NCOR1: variants seen among roughly 807,000 people sequenced by gnomAD.
The protein encoded by NCOR1 is nuclear receptor corepressor 1.
A neutral mutation model predicts 288.1 loss-of-function variants in NCOR1; 63 were observed. The ratio of observed to expected loss-of-function variants is 0.22; its 90% CI spans 0.18 to 0.27. The LOEUF (loss-of-function observed/expected upper bound fraction) is 0.27, where lower values mean the gene tolerates loss of function less well. Ranked by LOEUF, NCOR1 falls within the 10% of genes least tolerant of loss-of-function variation. NCOR1 has a pLI of 1.00. For synonymous variants in NCOR1, 1,007 were observed against 1,065.9 expected (o/e 0.94, Z 1.08); for missense variants, 2,397 against 3,019.2 (o/e 0.79, Z 4.83).
At position 16,030,440 on chromosome 17, in the gene NCOR1, T is replaced by C. The variant is rs1971817348; in HGVS notation, c.*1856A>G. ...AAAAATACCATCATAATCTCTTTTA[T>C]GGTAGGTTGGCAATATAAATTATTA... On this transcript the variant is annotated 3_prime_UTR_variant, in exon 46 of 46. Coordinates refer to ENST00000268712, the MANE Select transcript of NCOR1 (RefSeq NM_006311.4). 4.8e-6 allele frequency: 1 copy of C among 209,500 alleles called. No individual in the cohort carries two copies. The highest frequency in any genetic ancestry group is 9.7e-6 in the Non-Finnish European group (1 of 103,076). The allele number at this position is 209,500 out of a possible 1,614,324, so 13.0% of individuals were successfully genotyped here. A position where few individuals can be genotyped will look rare whatever the true frequency, so the allele number is the denominator to read the frequency against.
rs12601709 is a variant in NCOR1 at position 16,086,138 on chromosome 17, T to A, written c.3177+144A>T. The A allele has an allele frequency of 6.3e-6, 6 of 945,726 alleles. No homozygotes were observed. The African/African-American group carries it at 9.9e-5, about 16-fold the overall frequency. 58.6% of individuals were successfully genotyped at this position (945,726 alleles called of 1,614,324 possible). ...TGGCAAGAGTACAGTGACTGCTGCATCTTCTGGTCATTATCTCTTGAAACT... is the reference window on the plus strand; with the variant it reads ...TGGCAAGAGTACAGTGACTGCTGCAACTTCTGGTCATTATCTCTTGAAACT... On this transcript the variant is annotated intron_variant, in intron 23 of 45. Coordinates refer to ENST00000268712, the MANE Select transcript of NCOR1 (RefSeq NM_006311.4).
intron 18 of NCOR1, among the ~76,000 whole-genome samples, chr17:16,114,412 T>G (rs998991286): frequency 5.9e-5 from 9 of 152,056 alleles, no homozygotes; most frequent in Non-Finnish European, 1.2e-4. Flanking sequence ...TCAAAACCAA[T>G]CATGCCTTCC....
chr17:16,210,159 G>A (rs1389961049), intron 1 of NCOR1, among the ~76,000 whole-genome samples: 8 of 151,576 alleles, frequency 5.3e-5, no homozygotes, highest in African/African-American at 1.9e-4. Flanking sequence ...TGAGGCGGGA[G>A]GATCACCTGA....
At chr17:16,187,918 A>G (rs796431339) in intron 2 of NCOR1, among the ~76,000 whole-genome samples, 6 of 151,072 alleles carry the variant, frequency 4.0e-5, no homozygotes, top group African/African-American at 1.5e-4. Context: ...AAAAAAAAAG[A>G]AAGAAAAACG....
rs763078792 is a variant in NCOR1 at position 16,073,409 on chromosome 17, T to C, written c.3811+20A>G. 6.5e-7 allele frequency: 1 copy of C among 1,547,534 alleles called. No homozygotes were observed. The highest frequency in any genetic ancestry group is 1.3e-5 in the South Asian group (1 of 78,576). On this transcript the variant is annotated intron_variant, in intron 28 of 45. Coordinates refer to ENST00000268712, the MANE Select transcript of NCOR1 (RefSeq NM_006311.4). Reference sequence around the variant, plus strand: ...TAAAATAACATGTATCAAAATAACATTCTGAAAACAATGCTTTACCCTCTA... The same window carrying C: ...TAAAATAACATGTATCAAAATAACACTCTGAAAACAATGCTTTACCCTCTA...
At chr17:16,154,872 T>C (rs908909962) in intron 6 of NCOR1, among the ~76,000 whole-genome samples, 1 of 152,064 alleles carries the variant, frequency 6.6e-6, no homozygotes, top group African/African-American at 2.4e-5. Context: ...ACCAGACCAA[T>C]ATTTAGGAGG....
rs754808044 is a variant in NCOR1, at chr17:16,075,617, C to T, written c.3587G>A (p.Ser1196Asn). ...AGCTTCCTCTCTGCCTTTCTCAGGACTGCTGTCTTCAATGGGCATTCTCGA... is the reference window on the plus strand; with the variant it reads ...AGCTTCCTCTCTGCCTTTCTCAGGATTGCTGTCTTCAATGGGCATTCTCGA... The part of the protein sequence containing the change: ...SISRMPIEDS[S>N]PEKGREEAAS... Residue 1196 changes from serine (S) to asparagine (N), a missense_variant, in exon 27 of 46, where the codon AGT becomes AAT. Physicochemically the swap from Ser to Asn is conservative, Grantham distance 46. Transcript: ENST00000268712. 6.4e-5 allele frequency: 104 copies of T among 1,614,074 alleles called. No individual in the cohort carries two copies. The highest frequency in any genetic ancestry group is 8.2e-5 in the Non-Finnish European group (97 of 1,180,052).
At chr17:16,214,558 G>A (rs2092396150) in intron 1 of NCOR1, among the ~76,000 whole-genome samples, 1 of 152,206 alleles carries the variant, frequency 6.6e-6, no homozygotes, top group Admixed American at 6.5e-5. Context: ...GGTTAACTCT[G>A]TGGAAGAGGC....
chr17:16,088,740 T>C (rs745643495), intron 22 of NCOR1, among the ~76,000 whole-genome samples: 11 of 152,146 alleles, frequency 7.2e-5, no homozygotes, highest in Non-Finnish European at 1.3e-4. Flanking sequence ...ATGAGGAAAC[T>C]GAGGCTCAGA....
chr17:16,058,639 G>A (rs1411420391), intron 37 of NCOR1, 40 bp from the exon 38 acceptor site: 1 of 1,565,184 alleles, frequency 6.4e-7, no homozygotes. Flanking sequence ...CTAATCCCAG[G>A]AAAAGTTTCT....
chr17:16,094,819 G>C (rs569856855), intron 21 of NCOR1, among the ~76,000 whole-genome samples: 1 of 152,100 alleles, frequency 6.6e-6, no homozygotes, highest in Admixed American at 6.5e-5. Context: ...CACCAGCCTC[G>C]GCATTCTGAG....
intron 6 of NCOR1, among the ~76,000 whole-genome samples, chr17:16,157,930 A>T (rs551296550): frequency 6.6e-6 from 1 of 150,746 alleles, no homozygotes; most frequent in East Asian, 1.9e-4. Context: ...GAGTAAACCT[A>T]AAAAAGCAAA....
chr17:16,108,600 C>T (rs2153051881), intron 19 of NCOR1, among the ~76,000 whole-genome samples, 186 bp downstream of exon 19: 1 of 152,244 alleles, frequency 6.6e-6, no homozygotes, highest in South Asian at 2.1e-4. Flanking sequence ...CTGGACCATC[C>T]TAGGTGCTAC....
chr17:16,188,137 A>G (rs543619596), intron 2 of NCOR1, among the ~76,000 whole-genome samples: 1 of 152,264 alleles, frequency 6.6e-6, no homozygotes, highest in Admixed American at 6.5e-5. Flanking sequence ...ATTTTGTTAT[A>G]TGAATTCTGT....
At chr17:16,103,889 G>T (rs1479427809) in intron 19 of NCOR1, among the ~76,000 whole-genome samples, 1 of 152,156 alleles carries the variant, frequency 6.6e-6, no homozygotes, top group African/African-American at 2.4e-5. Flanking sequence ...GCATGCCTGT[G>T]CTCCCAGCTA....
At chr17:16,051,205 A>T (rs1434778243) in intron 40 of NCOR1, among the ~76,000 whole-genome samples, 1 of 152,158 alleles carries the variant, frequency 6.6e-6, no homozygotes, top group Admixed American at 6.5e-5. Context: ...TTTCTTTTTT[A>T]AAAATGAAGA....
At chr17:16,154,722 C>G (rs948934852) in intron 6 of NCOR1, among the ~76,000 whole-genome samples, 2 of 152,110 alleles carry the variant, frequency 1.3e-5, no homozygotes, top group African/African-American at 4.8e-5. Context: ...TAAAAAGGTT[C>G]TATTTGGAGA....
chr17:16,186,807 T>C (rs2086757251), intron 2 of NCOR1, 120 bp from the exon 3 acceptor site: 3 of 797,858 alleles, frequency 3.8e-6, no homozygotes, highest in Admixed American at 2.5e-5. Flanking sequence ...CAATGACTAT[T>C]TCAATCCTTC....
At chr17:16,044,333 C>T in intron 42 of NCOR1, 1 of 467,100 alleles carries the variant, frequency 2.1e-6, no homozygotes, top group Non-Finnish European at 4.4e-6. Flanking sequence ...ACTGGCTCAT[C>T]CTTTTTTCCT....
Sources: allele counts gnomAD v4.1 joint callset (sites outside exome capture counted in the v4.1 genomes callset), GRCh38; gene constraint gnomAD v4.1.1; transcripts MANE v1.5; gene names NCBI Gene and HGNC (gene_info 2026-07-23, HGNC 2026-07-21).